Variants in CCBE1 observed in about 807,000 individuals in gnomAD.
CCBE1 encodes the protein collagen and calcium-binding EGF domain-containing protein 1.
A neutral mutation model predicts 50.0 loss-of-function variants in CCBE1; 37 were observed. That is an observed-to-expected ratio of 0.74 (90% CI 0.57 to 0.97). The LOEUF (loss-of-function observed/expected upper bound fraction) is 0.97, where lower values mean the gene tolerates loss of function less well. CCBE1 is among the 50% of genes least tolerant of loss of function. The pLI is 0.00. For synonymous variants in CCBE1, 234 were observed against 203.7 expected, an observed-to-expected ratio of 1.15 and a Z score of -1.27; for missense variants, 538 against 523.8, an observed-to-expected ratio of 1.03 and a Z score of -0.26.
At chr18:59,525,695 G>A (rs1168661981) in intron 2 of CCBE1, among the ~76,000 whole-genome samples, 1 of 152,122 alleles carries the variant, frequency 6.6e-6, no homozygotes, top group Non-Finnish European at 1.5e-5. Flanking sequence ...GTATTGCTTT[G>A]ATTTTCTTCT....
intron 3 of CCBE1, among the ~76,000 whole-genome samples, chr18:59,479,871 G>A (rs1912483618): frequency 6.6e-6 from 1 of 152,226 alleles, no homozygotes; most frequent in Non-Finnish European, 1.5e-5. Flanking sequence ...GTCAAGGGAG[G>A]AGGGTTGGTT....
intron 9 of CCBE1, among the ~76,000 whole-genome samples, chr18:59,438,685 G>T (rs1910270115): frequency 1.3e-5 from 2 of 152,200 alleles, no homozygotes; most frequent in Admixed American, 6.5e-5. Context: ...GGTTGTTTTT[G>T]TCTTTGGGGT....
chr18:59,527,116 T>C (rs1914856359), intron 2 of CCBE1, among the ~76,000 whole-genome samples: 1 of 152,352 alleles, frequency 6.6e-6, no homozygotes, highest in Middle Eastern at 3.4e-3. Context: ...AGTCTCCCAC[T>C]ATTATTGTGT....
At chr18:59,520,520 A>C (rs1180878815) in intron 2 of CCBE1, among the ~76,000 whole-genome samples, 1 of 152,250 alleles carries the variant, frequency 6.6e-6, no homozygotes, top group African/African-American at 2.4e-5. Context: ...GATGTTTGCT[A>C]AGCAACTTCT....
At chr18:59,467,272 C>G (rs2143723440) in intron 4 of CCBE1, among the ~76,000 whole-genome samples, 1 of 152,306 alleles carries the variant, frequency 6.6e-6, no homozygotes, top group African/African-American at 2.4e-5. Context: ...CTCAGAGAAG[C>G]AAACATTATA....
rs944000197 is a variant in CCBE1 at position 59,697,248 on chromosome 18, G to A, written c.95C>T (p.Thr32Met). 1.3e-6 allele frequency: 2 copies of A among 1,549,254 alleles called. No homozygotes were observed. Among genetic ancestry groups the A allele is most frequent in the Non-Finnish European group, 8.7e-7 (1 of 1,146,722 alleles). The change falls in exon 1 of 11, where the codon ACG becomes ATG. Residue 32 changes from threonine to methionine, a missense_variant. Physicochemically the swap from Thr to Met is moderately conservative, Grantham distance 81 (BLOSUM62 -1). Coordinates refer to ENST00000439986, the MANE Select transcript of CCBE1 (RefSeq NM_133459.4). Reference protein sequence around the residue: ...PLLLLLALGHTWTYREEPEDG... With the variant: ...PLLLLLALGHMWTYREEPEDG... ...CTCCGGCTCCTCTCTGTAGGTCCAC[G>A]TGTGTCCCAACGCCAGGAGCAGCAG...
chr18:59,648,524 G>C (rs1334096052), intron 2 of CCBE1, among the ~76,000 whole-genome samples: 1 of 152,136 alleles, frequency 6.6e-6, no homozygotes, highest in African/African-American at 2.4e-5. Context: ...GGCCAACATG[G>C]AGAAAACCCC....
intron 6 of CCBE1, among the ~76,000 whole-genome samples, chr18:59,451,214 C>T (rs1260192324): frequency 6.6e-6 from 1 of 152,078 alleles, no homozygotes; most frequent in Non-Finnish European, 1.5e-5. Flanking sequence ...CCCTCAACTG[C>T]TCAACGTGGG....
intron 2 of CCBE1, among the ~76,000 whole-genome samples, chr18:59,614,041 C>T (rs2053606397): frequency 6.6e-6 from 1 of 151,996 alleles, no homozygotes; most frequent in African/African-American, 2.4e-5. Flanking sequence ...TGGAGTCTCG[C>T]TCTGCACTGT....
rs138194692 is a variant in CCBE1 at position 59,447,632 on chromosome 18, G to C, written c.775+351C>G. On this transcript the variant is annotated intron_variant, in intron 7 of 10. Coordinates refer to ENST00000439986, the MANE Select transcript of CCBE1 (RefSeq NM_133459.4). ...GAATTGGGTGAGGAGCCCCAAGCAG[G>C]GGGGGTTCATAATACTGTTCCATTT... Among the ~76,000 whole-genome samples, 491 of 152,262 alleles carry C rather than the reference G, an allele frequency of 3.2e-3. 1 individual carries two copies. Among genetic ancestry groups the C allele is most frequent in the African/African-American group, 0.011 (469 of 41,530 alleles).
chr18:59,454,398 C>A (rs1304535137), intron 6 of CCBE1, among the ~76,000 whole-genome samples: 3 of 152,138 alleles, frequency 2.0e-5, no homozygotes, highest in Non-Finnish European at 4.4e-5. Context: ...GTGCCCACCA[C>A]CACACCCAGC....
intron 2 of CCBE1, among the ~76,000 whole-genome samples, chr18:59,488,355 T>G: frequency 6.6e-6 from 1 of 152,204 alleles, no homozygotes; most frequent in East Asian, 1.9e-4. Flanking sequence ...ACAGTTATTT[T>G]TGCCACACAC....
intron 2 of CCBE1, among the ~76,000 whole-genome samples, chr18:59,484,091 A>G (rs1304842412): frequency 6.6e-6 from 1 of 152,228 alleles, no homozygotes; most frequent in African/African-American, 2.4e-5. Context: ...TTTATATTGC[A>G]TGAAACTTAA....
At chr18:59,654,632 A>C (rs2144673137) in intron 2 of CCBE1, among the ~76,000 whole-genome samples, 1 of 151,930 alleles carries the variant, frequency 6.6e-6, no homozygotes, top group Non-Finnish European at 1.5e-5. Flanking sequence ...CCAAAACAAA[A>C]CCAAACAAAA....
chr18:59,572,861 G>A (rs2052934468), intron 2 of CCBE1, among the ~76,000 whole-genome samples: 1 of 152,188 alleles, frequency 6.6e-6, no homozygotes, highest in Non-Finnish European at 1.5e-5. Context: ...TAGTTTATGT[G>A]TCAATCCGGT....
At position 59,438,145 on chromosome 18, in the gene CCBE1, C is replaced by T; in HGVS notation, c.953G>A (p.Gly318Glu). Residue 318 changes from glycine (G) to glutamate (E), a missense_variant and splice_region_variant, in exon 10 of 11, where the codon GGG (glycine) becomes GAG (glutamate). By Grantham distance (98) the Gly-to-Glu change is moderately conservative (BLOSUM62 -2). Transcript: ENST00000439986. ...TCTGGGCCCAGGCGCTCCTCTCTCC[C>T]CCTAAAAACAGAAAGGCCAGGGTTA... ...PGAPGRDGSK[G>E]ERGAPGPRGS... 6.2e-7 allele frequency: 1 copy of T among 1,614,104 alleles called. No homozygotes were observed. Among genetic ancestry groups the T allele is most frequent in the Non-Finnish European group, 8.5e-7 (1 of 1,180,014 alleles).
intron 4 of CCBE1, among the ~76,000 whole-genome samples, chr18:59,467,609 C>T (rs1351035323): frequency 1.3e-5 from 2 of 152,174 alleles, no homozygotes; most frequent in African/African-American, 4.8e-5. Flanking sequence ...TGGACTTGCT[C>T]CCCTGCCGCA....
intron 6 of CCBE1, among the ~76,000 whole-genome samples, chr18:59,453,336 T>A (rs1230825183): frequency 6.6e-6 from 1 of 152,234 alleles, no homozygotes; most frequent in Non-Finnish European, 1.5e-5. Context: ...TCAATACAAC[T>A]AACATCAACC....
At chr18:59,478,406 T>G (rs1263049536) in intron 3 of CCBE1, among the ~76,000 whole-genome samples, 1 of 152,218 alleles carries the variant, frequency 6.6e-6, no homozygotes, top group African/African-American at 2.4e-5. Context: ...TAAAGATATC[T>G]TTAGTAAAAG....
Sources: allele counts gnomAD v4.1 joint callset (sites outside exome capture counted in the v4.1 genomes callset), GRCh38; gene constraint gnomAD v4.1.1; transcripts MANE v1.5; gene names NCBI Gene and HGNC (gene_info 2026-07-23, HGNC 2026-07-21).